PSTPIP2: variants seen among roughly 807,000 people sequenced by gnomAD.
PSTPIP2 encodes proline-serine-threonine phosphatase interacting protein 2.
A neutral mutation model predicts 63.3 loss-of-function variants in PSTPIP2; 33 were observed. The observed-to-expected ratio is 0.52, with a 90% CI of 0.40 to 0.70. The LOEUF (loss-of-function observed/expected upper bound fraction) is 0.70, where lower values mean the gene tolerates loss of function less well. Ranked by LOEUF, PSTPIP2 falls within the 30% of genes least tolerant of loss-of-function variation. The pLI is 0.00. For synonymous variants in PSTPIP2, 125 were observed against 132.7 expected (o/e 0.94, Z 0.40); for missense variants, 312 against 400.7 (o/e 0.78, Z 1.89).
chr18:46,032,057 C>T (rs1907804593), intron 2 of PSTPIP2, among the ~76,000 whole-genome samples: 1 of 152,152 alleles, frequency 6.6e-6, no homozygotes. Context: ...ATAAATCACG[C>T]TTGAATAAGT....
Position 46,062,594 on chromosome 18 carries a change from G to A in PSTPIP2, c.33+9562C>T, listed in dbSNP as rs181652642. On this transcript the variant is annotated intron_variant, in intron 1 of 14. Coordinates refer to ENST00000409746, the MANE Select transcript of PSTPIP2 (RefSeq NM_024430.4). ...GGCTGGAGTGCAGTGGTGCAGTCTC[G>A]GCTCACTGCAACCTCTGCCTCCCAG... 5.9e-3 allele frequency among the ~76,000 whole-genome samples: 889 copies of A among 151,916 alleles called. 17 individuals are homozygous for A. Among genetic ancestry groups the A allele is most frequent in the Admixed American group, 0.033 (508 of 15,256 alleles).
intron 1 of PSTPIP2, among the ~76,000 whole-genome samples, chr18:46,054,699 C>T (rs541236513): frequency 6.8e-6 from 1 of 147,462 alleles, no homozygotes; most frequent in Admixed American, 6.8e-5. Flanking sequence ...CTTGCTCTGT[C>T]GCCCAGGTTG....
chr18:46,022,330 G>C (rs1051097569), intron 3 of PSTPIP2, among the ~76,000 whole-genome samples: 1 of 151,940 alleles, frequency 6.6e-6, no homozygotes, highest in African/African-American at 2.4e-5. Flanking sequence ...AGCAAGAGAA[G>C]ACAAGAGGAA....
At chr18:46,040,099 G>A in intron 1 of PSTPIP2, 52 bp from the exon 2 acceptor site, 1 of 1,406,422 alleles carries the variant, frequency 7.1e-7, no homozygotes, top group Non-Finnish European at 9.7e-7. Flanking sequence ...CAGCCCCCAA[G>A]GCCGGAGAGA....
At chr18:46,065,295 A>ATT (rs34055401) in intron 1 of PSTPIP2, among the ~76,000 whole-genome samples, 14 of 140,740 alleles carry the variant, frequency 9.9e-5, no homozygotes, top group East Asian at 4.0e-4. Flanking sequence ...ATAAGTTATA[A>ATT]TTTTTTTTTT....
chr18:46,003,804 G>C (rs1374851863), intron 6 of PSTPIP2, among the ~76,000 whole-genome samples: 5 of 150,616 alleles, frequency 3.3e-5, no homozygotes, highest in East Asian at 2.0e-4. Flanking sequence ...GCCCAGGCTG[G>C]AGTATGCAAT....
At chr18:46,020,624 C>T (rs958221310) in intron 3 of PSTPIP2, among the ~76,000 whole-genome samples, 3 of 152,122 alleles carry the variant, frequency 2.0e-5, no homozygotes, top group African/African-American at 7.2e-5. Context: ...TGCACTCCAG[C>T]CTGGGTGACA....
intron 3 of PSTPIP2, among the ~76,000 whole-genome samples, chr18:46,021,040 C>T (rs1357493999): frequency 6.6e-6 from 1 of 152,150 alleles, no homozygotes; most frequent in Non-Finnish European, 1.5e-5. Flanking sequence ...CTTATGCTTT[C>T]TTTATAAATG....
intron 1 of PSTPIP2, among the ~76,000 whole-genome samples, chr18:46,056,211 T>C (rs1329090294): frequency 6.6e-6 from 1 of 152,172 alleles, no homozygotes; most frequent in Non-Finnish European, 1.5e-5. Flanking sequence ...TGGGAGTCTG[T>C]AGGAATTCCC....
At chr18:46,027,761 GAA>G (rs527463901) in intron 2 of PSTPIP2, among the ~76,000 whole-genome samples, 268 of 152,222 alleles carry the variant, frequency 1.8e-3, no homozygotes, top group African/African-American at 6.1e-3. Flanking sequence ...AAAAAAAACT[GAA>G]GTGAAGCTGA....
At chr18:46,002,853 C>T (rs1054283399) in intron 6 of PSTPIP2, among the ~76,000 whole-genome samples, 7 of 152,212 alleles carry the variant, frequency 4.6e-5, no homozygotes, top group Admixed American at 1.3e-4. Flanking sequence ...GTAAAATCTT[C>T]GTCACATAAT....
At chr18:46,020,958 A>G (rs1316919343) in intron 3 of PSTPIP2, among the ~76,000 whole-genome samples, 2 of 152,242 alleles carry the variant, frequency 1.3e-5, no homozygotes, top group Non-Finnish European at 2.9e-5. Context: ...TATCTTTTGC[A>G]GGAAGTAGTA....
chr18:46,040,538 C>G lies in PSTPIP2; in HGVS notation c.34-491G>C, dbSNP rs941963567. Among the ~76,000 whole-genome samples the G allele has an allele frequency of 2.0e-5, 3 of 152,156 alleles. No individual in the cohort carries two copies. In the South Asian group the frequency reaches 6.2e-4, roughly 32 times the overall value. On this transcript the variant is annotated intron_variant, in intron 1 of 14. Transcript: ENST00000409746. ...CCCTAACTCACTTTGGAAACCCCCT[C>G]ATTCCTGCCTTTAAAAACCCTTGCT...
chr18:46,028,678 A>ATCGGTT (rs1428570396), intron 2 of PSTPIP2: 16 of 864,648 alleles, frequency 1.9e-5, no homozygotes, highest in South Asian at 1.0e-4. Context: ...ATGATGAACA[A>ATCGGTT]TCGGTTTCGG....
At chr18:46,004,695 C>A (rs1568213299) in intron 6 of PSTPIP2, among the ~76,000 whole-genome samples, 1 of 152,120 alleles carries the variant, frequency 6.6e-6, no homozygotes, top group Non-Finnish European at 1.5e-5. Context: ...TGCATTTCCA[C>A]TATCTAGTGT....
chr18:46,026,604 A>C (rs542438604), intron 2 of PSTPIP2, among the ~76,000 whole-genome samples: 3 of 152,374 alleles, frequency 2.0e-5, no homozygotes, highest in Non-Finnish European at 4.4e-5. Context: ...GCATGGGTGC[A>C]GTGGCTGATG....
intron 4 of PSTPIP2, among the ~76,000 whole-genome samples, chr18:46,011,890 A>G (rs1261570753): frequency 6.6e-6 from 1 of 152,258 alleles, no homozygotes; most frequent in Non-Finnish European, 1.5e-5. Flanking sequence ...AGATAAAGCT[A>G]GAAAGACTGA....
intron 1 of PSTPIP2, 140 bp downstream of exon 1, chr18:46,072,016 A>G: frequency 8.7e-7 from 1 of 1,148,910 alleles, no homozygotes; most frequent in Non-Finnish European, 1.2e-6. Context: ...CGATCCCTTC[A>G]CGCGCGAGCT....
At chr18:45,993,901 AAC>A (rs1296129438) in intron 9 of PSTPIP2, 198 bp from the exon 10 acceptor site, 2 of 565,234 alleles carry the variant, frequency 3.5e-6, no homozygotes, top group Non-Finnish European at 6.4e-6. Context: ...ATATCACAGT[AAC>A]ACAAACAGGC....
Sources: allele counts gnomAD v4.1 joint callset (sites outside exome capture counted in the v4.1 genomes callset), GRCh38; gene constraint gnomAD v4.1.1; transcripts MANE v1.5; gene names NCBI Gene and HGNC (gene_info 2026-07-23, HGNC 2026-07-21).